Variants in PCDH15 observed in about 807,000 individuals in gnomAD.
PCDH15 encodes the protein protocadherin-15.
A neutral mutation model predicts 178.5 loss-of-function variants in PCDH15; 129 were observed. The observed-to-expected ratio is 0.72, with a 90% CI of 0.63 to 0.84. The LOEUF (loss-of-function observed/expected upper bound fraction) is 0.84, where lower values mean the gene tolerates loss of function less well. Among genes scored for constraint, PCDH15 ranks in the 40% least tolerant of loss-of-function variants. The pLI is 0.00. For missense variants in PCDH15, 2,230 were observed against 2,099.9 expected (o/e 1.06, Z -1.21); for synonymous variants, 800 against 732.0 (o/e 1.09, Z -1.50).
chr10:54,981,359 A>T (rs2131904668), intron 2 of PCDH15, among the ~76,000 whole-genome samples: 1 of 152,244 alleles, frequency 6.6e-6, no homozygotes, highest in Middle Eastern at 3.4e-3. Context: ...TATCTTGCTC[A>T]CTACCCTACT....
In PCDH15 at chr10:54,271,996, G is replaced by GAT. The variant is rs570578298; in HGVS notation, c.877-35067_877-35066dup. ...ACCTCCTACCCAGTAACATATATAT[G>GAT]ATATATATATATCATATATATATAT... On this transcript the variant is annotated intron_variant, in intron 8 of 37. Transcript: ENST00000644397. 4.0e-3 allele frequency among the ~76,000 whole-genome samples: 571 copies of GAT among 142,006 alleles called. 4 individuals carry two copies. Among genetic ancestry groups the GAT allele is most frequent in the African/African-American group, 0.014 (519 of 38,064 alleles). The allele number at this position is 142,006 out of a possible 152,430, so 93.2% of individuals were successfully genotyped here.
chr10:54,745,382 A>AC (rs397696418), intron 1 of PCDH15, among the ~76,000 whole-genome samples: 3 of 142,706 alleles, frequency 2.1e-5, no homozygotes, highest in African/African-American at 5.1e-5. Flanking sequence ...AGAAAAAAAA[A>AC]CATGAAAGTG....
At chr10:54,251,572 G>A (rs1251072190) in intron 8 of PCDH15, among the ~76,000 whole-genome samples, 1 of 152,118 alleles carries the variant, frequency 6.6e-6, no homozygotes, top group Non-Finnish European at 1.5e-5. Context: ...CCAGGCTGAT[G>A]CAGACAAAGT....
chr10:54,474,849 C>A (rs1172367244), intron 3 of PCDH15, among the ~76,000 whole-genome samples: 1 of 151,830 alleles, frequency 6.6e-6, no homozygotes, highest in Non-Finnish European at 1.5e-5. Flanking sequence ...ATTCTTTGAA[C>A]AGAGTGAAAA....
intron 2 of PCDH15, among the ~76,000 whole-genome samples, chr10:54,558,755 A>G (rs1168833782): frequency 6.6e-6 from 1 of 152,120 alleles, no homozygotes; most frequent in Non-Finnish European, 1.5e-5. Context: ...GTTGTGGGAA[A>G]ATGTGAGAAA....
At chr10:54,061,829 T>A (rs1205223264) in intron 18 of PCDH15, among the ~76,000 whole-genome samples, 1 of 152,102 alleles carries the variant, frequency 6.6e-6, no homozygotes, top group East Asian at 1.9e-4. Flanking sequence ...ATTGGTAGGT[T>A]ATTTTTTAAT....
intron 2 of PCDH15, among the ~76,000 whole-genome samples, chr10:55,489,209 C>G (rs1372838003): frequency 1.3e-5 from 2 of 151,374 alleles, no homozygotes; most frequent in African/African-American, 2.4e-5. Flanking sequence ...GATTAAAAGT[C>G]AATGCATTAC....
At chr10:54,342,866 G>T (rs1942511755) in intron 6 of PCDH15, among the ~76,000 whole-genome samples, 1 of 152,214 alleles carries the variant, frequency 6.6e-6, no homozygotes, top group Non-Finnish European at 1.5e-5. Flanking sequence ...GCCCTGCTGT[G>T]TTGTGGACTT....
chr10:53,959,403 G>C (rs1380111659), intron 23 of PCDH15, among the ~76,000 whole-genome samples: 1 of 151,626 alleles, frequency 6.6e-6, no homozygotes, highest in Non-Finnish European at 1.5e-5. Context: ...TGTTCCACCT[G>C]GCAATAATGA....
At chr10:55,383,129 A>G (rs1565081371) in intron 2 of PCDH15, among the ~76,000 whole-genome samples, 1 of 152,134 alleles carries the variant, frequency 6.6e-6, no homozygotes, top group Non-Finnish European at 1.5e-5. Flanking sequence ...AGTGGCTCTC[A>G]GTGGAAGGGG....
At chr10:54,145,346 A>G (rs1341852173) in intron 14 of PCDH15, among the ~76,000 whole-genome samples, 1 of 152,006 alleles carries the variant, frequency 6.6e-6, no homozygotes, top group African/African-American at 2.4e-5. Flanking sequence ...TTTCTAGCTT[A>G]TTTCTAAGAT....
intron 2 of PCDH15, among the ~76,000 whole-genome samples, chr10:55,582,110 C>T (rs966330822): frequency 6.6e-6 from 1 of 152,170 alleles, no homozygotes; most frequent in African/African-American, 2.4e-5. Flanking sequence ...CTTCTCATCC[C>T]AGTGGTGCCT....
At chr10:55,253,668 A>G (rs1221458742) in intron 1 of PCDH15, among the ~76,000 whole-genome samples, 1 of 152,036 alleles carries the variant, frequency 6.6e-6, no homozygotes, top group Non-Finnish European at 1.5e-5. Flanking sequence ...ATATAAACCT[A>G]TTCTTGTAAA....
intron 15 of PCDH15, among the ~76,000 whole-genome samples, chr10:54,105,857 A>G (rs140192097): frequency 2.6e-5 from 4 of 152,352 alleles, no homozygotes; most frequent in Admixed American, 2.6e-4. Flanking sequence ...TAGCAGTATT[A>G]TTCATAATAG....
chr10:54,260,753 T>A (rs2057259623), intron 8 of PCDH15, among the ~76,000 whole-genome samples: 1 of 152,086 alleles, frequency 6.6e-6, no homozygotes, highest in Non-Finnish European at 1.5e-5. Context: ...CTAGTAGTAG[T>A]ACTACGACTA....
At chr10:54,380,776 G>A (rs1372632952) in intron 3 of PCDH15, among the ~76,000 whole-genome samples, 1 of 133,634 alleles carries the variant, frequency 7.5e-6, no homozygotes, top group African/African-American at 3.0e-5. Flanking sequence ...ATACACTAAG[G>A]GAAGGAGCCA....
chr10:54,423,304 C>A (rs1172587934), intron 3 of PCDH15, among the ~76,000 whole-genome samples: 1 of 150,390 alleles, frequency 6.6e-6, no homozygotes, highest in Non-Finnish European at 1.5e-5. Flanking sequence ...GGCAAGATGG[C>A]ACAGTTTAAT....
chr10:53,979,212 G>A (rs545083599), intron 21 of PCDH15, among the ~76,000 whole-genome samples: 7 of 152,170 alleles, frequency 4.6e-5, no homozygotes, highest in Non-Finnish European at 1.0e-4. Flanking sequence ...GGGCTGGGGA[G>A]GCCTCAGGAA....
chr10:54,720,477 T>C (rs894880198), intron 1 of PCDH15, among the ~76,000 whole-genome samples: 1 of 149,260 alleles, frequency 6.7e-6, no homozygotes, highest in Admixed American at 6.7e-5. Context: ...GCAGAAAATC[T>C]ACAAGCCAAA....
Sources: gnomAD v4.1 joint callset for allele counts (sites outside exome capture counted in the v4.1 genomes callset) on GRCh38, gnomAD v4.1.1 for gene constraint, MANE v1.5 for transcripts, NCBI Gene and HGNC (gene_info 2026-07-23, HGNC 2026-07-21) for gene names.